Variants in ERBB4 observed in about 807,000 individuals in gnomAD.
The protein encoded by ERBB4 is erb-b2 receptor tyrosine kinase 4, also known as receptor tyrosine-protein kinase erbB-4.
A neutral mutation model predicts 158.0 loss-of-function variants in ERBB4; 42 were observed. The observed-to-expected ratio is 0.27, with a 90% CI of 0.21 to 0.34. ERBB4 has a LOEUF of 0.34. Ranked by LOEUF, ERBB4 falls within the 10% of genes least tolerant of loss-of-function variation. The probability of loss-of-function intolerance (pLI) is 1.00; values close to 1 mark genes in which losing one functional copy is unlikely to be tolerated. For synonymous variants in ERBB4, 583 were observed against 558.7 expected (o/e 1.04, Z -0.61); for missense variants, 1,333 against 1,624.1 (o/e 0.82, Z 3.08).
rs539979755 is a variant in ERBB4 at position 212,537,573 on chromosome 2, G to A, written c.82+876C>T. On this transcript the variant is annotated intron_variant, in intron 1 of 27. Coordinates refer to ENST00000342788, the MANE Select transcript of ERBB4 (RefSeq NM_005235.3). ...TGGCCGCGCACCCATCGCCGCTGCC[G>A]CTTTCGCCTCGGGTGGATCCAGTGA... Among the ~76,000 whole-genome samples, 72 of 152,116 alleles carry A rather than the reference G, an allele frequency of 4.7e-4. 1 individual carries two copies. The South Asian group carries it at 0.015, about 31-fold the overall frequency.
chr2:211,555,304 G>A (rs2067208264), intron 20 of ERBB4, among the ~76,000 whole-genome samples: 1 of 152,068 alleles, frequency 6.6e-6, no homozygotes, highest in Non-Finnish European at 1.5e-5. Flanking sequence ...TCCTGCCTCA[G>A]CCTCCCTAGT....
At chr2:211,942,582 G>T (rs1044118493) in intron 3 of ERBB4, among the ~76,000 whole-genome samples, 8 of 151,808 alleles carry the variant, frequency 5.3e-5, no homozygotes, top group Non-Finnish European at 1.0e-4. Flanking sequence ...TACTATTGAG[G>T]GCTTCTAGGT....
intron 2 of ERBB4, among the ~76,000 whole-genome samples, chr2:212,087,228 C>T (rs1291843425): frequency 1.3e-5 from 2 of 151,872 alleles, no homozygotes; most frequent in African/African-American, 4.8e-5. Flanking sequence ...AACTAAACTT[C>T]ACTAAATAGT....
intron 1 of ERBB4, among the ~76,000 whole-genome samples, chr2:212,493,950 A>G (rs991401585): frequency 2.6e-5 from 4 of 151,892 alleles, no homozygotes; most frequent in Non-Finnish European, 2.9e-5. Flanking sequence ...AACACAAGGA[A>G]AATTCTTATT....
intron 3 of ERBB4, among the ~76,000 whole-genome samples, chr2:211,797,849 C>A (rs1271764332): frequency 1.3e-5 from 2 of 151,990 alleles, no homozygotes; most frequent in Middle Eastern, 3.4e-3. Context: ...AAGTTTAAAT[C>A]TGGAGAAAAT....
At chr2:211,401,968 T>A (rs1382964538) in intron 25 of ERBB4, among the ~76,000 whole-genome samples, 1 of 151,574 alleles carries the variant, frequency 6.6e-6, no homozygotes, top group Non-Finnish European at 1.5e-5. Context: ...CTAGCACAAT[T>A]ATAATTTATC....
chr2:212,119,077 C>T (rs940612008), intron 2 of ERBB4, among the ~76,000 whole-genome samples: 2 of 151,800 alleles, frequency 1.3e-5, no homozygotes, highest in African/African-American at 4.8e-5. Flanking sequence ...TAAGGAGTTC[C>T]AATGAATTAC....
At chr2:212,291,338 TAA>T (rs2086198689) in intron 1 of ERBB4, among the ~76,000 whole-genome samples, 1 of 152,144 alleles carries the variant, frequency 6.6e-6, no homozygotes, top group African/African-American at 2.4e-5. Context: ...AACAGTTATA[TAA>T]GTTGATAGTC....
chr2:212,039,746 G>T (rs1424383558), intron 2 of ERBB4, among the ~76,000 whole-genome samples: 1 of 152,066 alleles, frequency 6.6e-6, no homozygotes, highest in Non-Finnish European at 1.5e-5. Flanking sequence ...AAGGTTCAGA[G>T]AGGTTAACAG....
At chr2:212,283,972 G>A (rs1559921818) in intron 1 of ERBB4, among the ~76,000 whole-genome samples, 1 of 151,922 alleles carries the variant, frequency 6.6e-6, no homozygotes, top group Non-Finnish European at 1.5e-5. Flanking sequence ...CAAAACTTCT[G>A]TGTTATTCTT....
At chr2:212,318,044 A>G (rs1013708245) in intron 1 of ERBB4, among the ~76,000 whole-genome samples, 5 of 151,632 alleles carry the variant, frequency 3.3e-5, no homozygotes. Flanking sequence ...CTTGATCCAG[A>G]TAGCCATAGG....
chr2:211,906,361 T>C (rs772491380), intron 3 of ERBB4, among the ~76,000 whole-genome samples: 23 of 152,016 alleles, frequency 1.5e-4, no homozygotes, highest in Non-Finnish European at 3.2e-4. Context: ...TCATGAGCAA[T>C]TGAGGAACAT....
intron 19 of ERBB4, among the ~76,000 whole-genome samples, chr2:211,597,729 T>C (rs115589304): frequency 1.4e-4 from 22 of 152,254 alleles, no homozygotes; most frequent in African/African-American, 5.1e-4. Context: ...AGACATCAAG[T>C]CACTACTTCA....
intron 1 of ERBB4, among the ~76,000 whole-genome samples, chr2:212,300,324 AACATTTTAAAAC>A (rs772423645): frequency 6.6e-6 from 1 of 151,608 alleles, no homozygotes; most frequent in Non-Finnish European, 1.5e-5. Flanking sequence ...TCTTGATTTT[AACATTTTAAAAC>A]ACTGTCAATT....
intron 20 of ERBB4, among the ~76,000 whole-genome samples, chr2:211,506,712 CAG>C (rs3067986): frequency 0.14 from 21,198 of 151,766 alleles, 1,969 homozygotes; most frequent in East Asian, 0.39. Flanking sequence ...CAAATGAAAA[CAG>C]AGACACAACA....
intron 20 of ERBB4, among the ~76,000 whole-genome samples, chr2:211,479,408 A>G (rs895613309): frequency 2.0e-5 from 3 of 152,126 alleles, no homozygotes; most frequent in Non-Finnish European, 2.9e-5. Context: ...TATCATTCTT[A>G]TAATACTTAG....
intron 1 of ERBB4, among the ~76,000 whole-genome samples, chr2:212,431,182 T>C (rs569735854): frequency 4.0e-5 from 6 of 151,818 alleles, no homozygotes; most frequent in South Asian, 4.2e-4. Flanking sequence ...GCAGGTGGCA[T>C]AATAAGCATA....
intron 2 of ERBB4, among the ~76,000 whole-genome samples, chr2:212,086,136 G>A (rs553304875): frequency 3.9e-5 from 6 of 151,942 alleles, no homozygotes; most frequent in Admixed American, 2.0e-4. Flanking sequence ...AAACTGGGGG[G>A]AAAAGTTAGT....
intron 1 of ERBB4, among the ~76,000 whole-genome samples, chr2:212,203,775 T>A (rs2105908462): frequency 6.6e-6 from 1 of 152,322 alleles, no homozygotes; most frequent in South Asian, 2.1e-4. Flanking sequence ...ACCACTTAGC[T>A]GTTTCCCAAC....
Sources: gnomAD v4.1 joint callset for allele counts (sites outside exome capture counted in the v4.1 genomes callset) on GRCh38, gnomAD v4.1.1 for gene constraint, MANE v1.5 for transcripts, NCBI Gene and HGNC (gene_info 2026-07-23, HGNC 2026-07-21) for gene names.